DNAH7: variants seen among roughly 807,000 people sequenced by gnomAD.
DNAH7 encodes the protein axonemal beta dynein heavy chain 7.
A neutral mutation model predicts 444.6 loss-of-function variants in DNAH7; 397 were observed. The observed-to-expected ratio is 0.89, with a 90% confidence interval of 0.82 to 0.97. The LOEUF (loss-of-function observed/expected upper bound fraction) is 0.97, where lower values mean the gene tolerates loss of function less well. Ranked by LOEUF, DNAH7 falls within the 50% of genes least tolerant of loss-of-function variation. DNAH7 has a pLI of 0.00. For synonymous variants in DNAH7, 1,636 were observed against 1,624.4 expected (o/e 1.01, Z -0.17); for missense variants, 4,902 against 4,800.8 (o/e 1.02, Z -0.62).
Position 195,888,212 on chromosome 2 carries a change from G to C in DNAH7, c.5406+46C>G, listed in dbSNP as rs375769584. 69 of 1,478,954 alleles carry C rather than the reference G, an allele frequency of 4.7e-5. No individual in the cohort carries two copies. The African/African-American group carries it at 8.1e-4, about 17-fold the overall frequency. 91.6% of individuals were successfully genotyped at this position (1,478,954 alleles called of 1,614,324 possible). The stretch of plus-strand genomic sequence containing the variant: ...TAAAATTGATATGTAAGTCTAATTT[G>C]AGTTTTCCATTTATTTTTTAATCTT... On this transcript the variant is annotated intron_variant, in intron 33 of 64. Transcript: ENST00000312428.
chr2:195,795,238 C>T (rs1015306522), intron 56 of DNAH7, among the ~76,000 whole-genome samples: 2 of 152,060 alleles, frequency 1.3e-5, no homozygotes, highest in East Asian at 1.9e-4. Flanking sequence ...AAAATTTAGC[C>T]GGCCATGGTG....
intron 5 of DNAH7, among the ~76,000 whole-genome samples, chr2:196,035,000 G>A (rs1339086819): frequency 6.6e-6 from 1 of 152,124 alleles, no homozygotes; most frequent in Admixed American, 6.5e-5. Flanking sequence ...TGACCAACAT[G>A]GTGAAACCTC....
intron 25 of DNAH7, 60 bp downstream of exon 25, chr2:195,909,967 C>T: frequency 6.8e-7 from 1 of 1,468,988 alleles, no homozygotes. Context: ...TATGTTGCAT[C>T]ATAAATAACC....
In DNAH7 at chr2:195,799,422, G is replaced by A. The variant is rs201253531; in HGVS notation, c.10227C>T (p.Phe3409=). The A allele has an allele frequency of 2.7e-5, 43 of 1,610,244 alleles. No individual in the cohort carries two copies. In the East Asian group the frequency reaches 7.4e-4, roughly 28 times the overall value. ...EFIINRLGRA[F]IEPPPFDLAK... Reference sequence around the variant, plus strand: ...CTAAATCAAAGGGGGGTGGTTCAATGAATGCACGTCCCAATCTGTTGATTA... The same window carrying A: ...CTAAATCAAAGGGGGGTGGTTCAATAAATGCACGTCCCAATCTGTTGATTA... Residue 3409 remains phenylalanine, a synonymous_variant, in exon 55 of 65, where the codon TTC becomes TTT. Transcript: ENST00000312428.
intron 48 of DNAH7, among the ~76,000 whole-genome samples, chr2:195,831,166 T>C (rs1489657275): frequency 6.6e-6 from 1 of 152,222 alleles, no homozygotes; most frequent in African/African-American, 2.4e-5. Flanking sequence ...AATTGATTTA[T>C]CAGCAATATT....
At position 195,855,936 on chromosome 2, in the gene DNAH7, G is replaced by T. The variant is rs769366548; in HGVS notation, c.8470C>A (p.Leu2824Ile). 6.2e-7 allele frequency: 1 copy of T among 1,613,858 alleles called. No homozygotes were observed. The change falls in exon 45 of 65, where the codon CTT (leucine) becomes ATT (isoleucine). Residue 2824 changes from leucine to isoleucine, a missense_variant. Physicochemically the swap from Leu to Ile is conservative, Grantham distance 5. Coordinates refer to ENST00000312428, the MANE Select transcript of DNAH7 (RefSeq NM_018897.3). ...CTAAGACCATCCATGGCAATTTTAAGCTCCCCTTCAGCTGCAGCCAGTTTT... is the reference window on the plus strand; with the variant it reads ...CTAAGACCATCCATGGCAATTTTAATCTCCCCTTCAGCTGCAGCCAGTTTT... ...KIKLAAAEGE[L>I]KIAMDGLRKK...
intron 5 of DNAH7, among the ~76,000 whole-genome samples, chr2:196,036,941 T>C (rs1043798446): frequency 6.6e-6 from 1 of 151,874 alleles, no homozygotes; most frequent in Admixed American, 6.6e-5. Context: ...ACTGCCACCA[T>C]TCCCAGCACC....
At chr2:196,008,153 A>T (rs1447815573) in intron 10 of DNAH7, among the ~76,000 whole-genome samples, 2 of 152,128 alleles carry the variant, frequency 1.3e-5, no homozygotes, top group Admixed American at 1.3e-4. Context: ...CAAAGATGAC[A>T]AATAAACAGA....
intron 1 of DNAH7, among the ~76,000 whole-genome samples, chr2:196,059,189 A>G (rs115495591): frequency 1.5e-3 from 223 of 152,084 alleles, no homozygotes; most frequent in African/African-American, 5.2e-3. Context: ...AGAATGGTCT[A>G]CTTCCTAAGG....
chr2:195,849,668 C>G (rs942581717), intron 46 of DNAH7, among the ~76,000 whole-genome samples: 1 of 152,104 alleles, frequency 6.6e-6, no homozygotes, highest in Non-Finnish European at 1.5e-5. Flanking sequence ...GTGGCATGAT[C>G]TTGCTCACTG....
At chr2:196,015,865 A>G (rs1216964765) in intron 9 of DNAH7, among the ~76,000 whole-genome samples, 2 of 152,008 alleles carry the variant, frequency 1.3e-5, no homozygotes, top group Non-Finnish European at 2.9e-5. Flanking sequence ...CTGTCCCCCC[A>G]CTCTTAATAC....
In DNAH7 at chr2:195,778,618, G is replaced by GAAAAAA. The variant is rs1228548239; in HGVS notation, c.10879-639_10879-634dup. On this transcript the variant is annotated intron_variant, in intron 58 of 64. Coordinates refer to ENST00000312428, the MANE Select transcript of DNAH7 (RefSeq NM_018897.3). ...TGGGTGACAGAGCAAGACCCTGTCT[G>GAAAAAA]AAAAAAAAAAAAAATAAATAAATAA... Among the ~76,000 whole-genome samples the GAAAAAA allele has an allele frequency of 5.5e-4, 12 of 21,766 alleles. 2 individuals carry two copies. The highest frequency in any genetic ancestry group is 3.4e-3 in the East Asian group (1 of 298). The allele number at this position is 21,766 out of a possible 152,430, so 14.3% of individuals were successfully genotyped here. A position where few individuals can be genotyped will look rare whatever the true frequency, so the allele number is the denominator to read the frequency against.
chr2:196,067,809 T>G (rs1262986697), intron 1 of DNAH7, among the ~76,000 whole-genome samples: 1 of 152,198 alleles, frequency 6.6e-6, no homozygotes, highest in Non-Finnish European at 1.5e-5. Context: ...TAAATGAAAT[T>G]TGCAGGCTTA....
At chr2:195,920,643 C>T (rs190387846) in intron 24 of DNAH7, among the ~76,000 whole-genome samples, 2 of 152,182 alleles carry the variant, frequency 1.3e-5, no homozygotes, top group East Asian at 3.8e-4. Context: ...AAAAATCCTT[C>T]TAGACATTGG....
intron 17 of DNAH7, among the ~76,000 whole-genome samples, chr2:195,966,101 C>T (rs1691457154): frequency 1.3e-5 from 2 of 151,756 alleles, no homozygotes; most frequent in African/African-American, 4.8e-5. Context: ...CTATAAATTT[C>T]CCCCTTAGCA....
At chr2:195,851,361 TA>T (rs1373017696) in intron 46 of DNAH7, among the ~76,000 whole-genome samples, 1 of 152,166 alleles carries the variant, frequency 6.6e-6, no homozygotes, top group African/African-American at 2.4e-5. Context: ...AAGGAAGGAA[TA>T]AAATTGCCTT....
chr2:195,972,242 C>T lies in DNAH7; in HGVS notation c.2058G>A (p.Lys686=), dbSNP rs549451105. The part of the protein sequence containing the change: ...EKIEQYQEGL[K]LRCERFVEEL... Reference sequence around the variant, plus strand: ...AAAATAAAATATCTAAGATGCCAACCTTCAGACCTTCTTGATATTGTTCTA... The same window carrying T: ...AAAATAAAATATCTAAGATGCCAACTTTCAGACCTTCTTGATATTGTTCTA... The change falls in exon 16 of 65, where the codon AAG becomes AAA. Residue 686 remains lysine, a splice_region_variant and synonymous_variant. Coordinates refer to ENST00000312428, the MANE Select transcript of DNAH7 (RefSeq NM_018897.3). 3 of 1,610,664 alleles carry T rather than the reference C, an allele frequency of 1.9e-6. No individual in the cohort carries two copies. In the African/African-American group the frequency reaches 4.0e-5, roughly 21 times the overall value.
rs112535641 is a variant in DNAH7, at chr2:195,803,966, G to C, written c.10176+2774C>G. ...ATTTTTTCTACTGGTGATTTAGTGA[G>C]ACTCTTACATTTTTTCAAACTGGAG... On this transcript the variant is annotated intron_variant, in intron 54 of 64. Coordinates refer to ENST00000312428, the MANE Select transcript of DNAH7 (RefSeq NM_018897.3). 5.9e-3 allele frequency among the ~76,000 whole-genome samples: 899 copies of C among 152,222 alleles called. 9 individuals are homozygous for C. The highest frequency in any genetic ancestry group is 9.8e-3 in the Non-Finnish European group (668 of 68,002).
At chr2:195,905,989 C>A (rs341944) in intron 27 of DNAH7, among the ~76,000 whole-genome samples, 39,327 of 151,892 alleles carry the variant, frequency 0.26, 7,191 homozygotes, top group African/African-American at 0.52. Flanking sequence ...ACTGAAAGCA[C>A]ACTGAATGTC....
Sources: allele counts gnomAD v4.1 joint callset (sites outside exome capture counted in the v4.1 genomes callset), GRCh38; gene constraint gnomAD v4.1.1; transcripts MANE v1.5; gene names NCBI Gene and HGNC (gene_info 2026-07-23, HGNC 2026-07-21).